RCAN2: variants seen among roughly 807,000 people sequenced by gnomAD.
The protein encoded by RCAN2 is calcipressin-2.
Under a neutral mutation model 23.6 loss-of-function variants are expected in RCAN2, and 9 were observed. That is an observed-to-expected ratio of 0.38 (90% confidence interval 0.23 to 0.67). The LOEUF is 0.67. Among genes scored for constraint, RCAN2 ranks in the 30% least tolerant of loss-of-function variants. The pLI is 0.51. For missense variants in RCAN2, 273 were observed against 302.3 expected (o/e 0.90, Z 0.72); for synonymous variants, 109 against 115.7 (o/e 0.94, Z 0.37).
intron 2 of RCAN2, among the ~76,000 whole-genome samples, chr6:46,302,911 T>C (rs1437398462): frequency 2.0e-5 from 3 of 152,028 alleles, no homozygotes; most frequent in Non-Finnish European, 4.4e-5. Context: ...TAAGGTCACA[T>C]AGACAGTAAG....
At chr6:46,432,268 C>T (rs1767231557) in intron 2 of RCAN2, among the ~76,000 whole-genome samples, 1 of 151,966 alleles carries the variant, frequency 6.6e-6, no homozygotes, top group African/African-American at 2.4e-5. Context: ...GGCTGGTGTG[C>T]AATAGTGCAA....
intron 1 of RCAN2, among the ~76,000 whole-genome samples, chr6:46,466,044 T>C (rs1451416856): frequency 6.6e-6 from 1 of 152,164 alleles, no homozygotes; most frequent in Non-Finnish European, 1.5e-5. Context: ...TAGTAGAGAA[T>C]GCCTGCACCA....
intron 4 of RCAN2, among the ~76,000 whole-genome samples, chr6:46,235,272 C>T (rs1369869378): frequency 3.3e-5 from 5 of 152,122 alleles, no homozygotes; most frequent in African/African-American, 1.2e-4. Context: ...GGAAATCTTC[C>T]TATAAGTTTA....
At chr6:46,451,394 T>A (rs1489148611) in intron 2 of RCAN2, among the ~76,000 whole-genome samples, 1 of 152,200 alleles carries the variant, frequency 6.6e-6, no homozygotes, top group Non-Finnish European at 1.5e-5. Flanking sequence ...CTAGTCGAAC[T>A]ACAAGTAGCC....
At chr6:46,457,636 G>A (rs1002985909) in intron 1 of RCAN2, among the ~76,000 whole-genome samples, 1 of 152,074 alleles carries the variant, frequency 6.6e-6, no homozygotes, top group Non-Finnish European at 1.5e-5. Context: ...AGTTCATCCT[G>A]TGAGAGTACA....
At position 46,409,244 on chromosome 6, in the gene RCAN2, G is replaced by T. The variant is rs1326127945; in HGVS notation, c.225+47508C>A. ...CTTTCTTTTGAATAAAATTGTACAG[G>T]TATATATGAAAGCAATAACTAAAAA... On this transcript the variant is annotated intron_variant, in intron 2 of 4. Coordinates refer to ENST00000371374, the MANE Select transcript of RCAN2 (RefSeq NM_001251974.2). Among the ~76,000 whole-genome samples the T allele has an allele frequency of 2.6e-5, 4 of 151,728 alleles. No individual in the cohort carries two copies. In the East Asian group the frequency reaches 7.7e-4, roughly 29 times the overall value.
intron 2 of RCAN2, among the ~76,000 whole-genome samples, chr6:46,377,595 T>C (rs1224644972): frequency 1.3e-5 from 2 of 152,230 alleles, no homozygotes; most frequent in Admixed American, 1.3e-4. Flanking sequence ...AGATTGCCTG[T>C]TGAGGTCACT....
At chr6:46,368,361 C>A (rs1016566195) in intron 2 of RCAN2, among the ~76,000 whole-genome samples, 7 of 152,186 alleles carry the variant, frequency 4.6e-5, no homozygotes, top group African/African-American at 1.7e-4. Context: ...GGATGCTGAG[C>A]TTTCAAGCTC....
chr6:46,421,867 A>T (rs1392046332), intron 2 of RCAN2, among the ~76,000 whole-genome samples: 1 of 152,234 alleles, frequency 6.6e-6, no homozygotes, highest in Non-Finnish European at 1.5e-5. Context: ...GATGAAAGTA[A>T]CCAGCTGATA....
chr6:46,402,469 CT>C (rs1224534408), intron 2 of RCAN2, among the ~76,000 whole-genome samples: 1 of 152,118 alleles, frequency 6.6e-6, no homozygotes, highest in Non-Finnish European at 1.5e-5. Context: ...AACCAGAACC[CT>C]TTTCCCCAAA....
At chr6:46,434,403 A>G (rs1767307918) in intron 2 of RCAN2, among the ~76,000 whole-genome samples, 1 of 152,162 alleles carries the variant, frequency 6.6e-6, no homozygotes, top group Admixed American at 6.5e-5. Flanking sequence ...CCATGCAGAA[A>G]CACTCTGGGG....
At chr6:46,375,492 G>GTTGA (rs1765431850) in intron 2 of RCAN2, among the ~76,000 whole-genome samples, 2 of 152,076 alleles carry the variant, frequency 1.3e-5, no homozygotes, top group Non-Finnish European at 2.9e-5. Flanking sequence ...TTAAACTAAA[G>GTTGA]TCCAAAAGAT....
intron 2 of RCAN2, among the ~76,000 whole-genome samples, chr6:46,282,240 A>G (rs758730078): frequency 3.9e-5 from 6 of 152,166 alleles, no homozygotes; most frequent in Non-Finnish European, 8.8e-5. Context: ...GTGGTTACTG[A>G]TACCTCAAAA....
At chr6:46,452,216 C>T (rs1316708087) in intron 2 of RCAN2, among the ~76,000 whole-genome samples, 1 of 152,116 alleles carries the variant, frequency 6.6e-6, no homozygotes, top group Non-Finnish European at 1.5e-5. Context: ...GATTTGAATC[C>T]TGCCTTGGCC....
chr6:46,259,570 T>C (rs1279088315), intron 2 of RCAN2, among the ~76,000 whole-genome samples: 4 of 152,230 alleles, frequency 2.6e-5, no homozygotes, highest in African/African-American at 9.6e-5. Flanking sequence ...CATTAACACA[T>C]GGAGTTTTTC....
chr6:46,424,327 T>C (rs1742371641), intron 2 of RCAN2, among the ~76,000 whole-genome samples: 1 of 152,078 alleles, frequency 6.6e-6, no homozygotes, highest in African/African-American at 2.4e-5. Flanking sequence ...AACCAGACAT[T>C]ACACAGCAAG....
At chr6:46,249,999 A>G (rs1308316825) in intron 2 of RCAN2, among the ~76,000 whole-genome samples, 1 of 152,260 alleles carries the variant, frequency 6.6e-6, no homozygotes, top group African/African-American at 2.4e-5. Context: ...AATACAAAGC[A>G]GTAATTAAAA....
chr6:46,250,514 A>G (rs1285363529), intron 2 of RCAN2, among the ~76,000 whole-genome samples: 1 of 152,208 alleles, frequency 6.6e-6, no homozygotes, highest in African/African-American at 2.4e-5. Flanking sequence ...CTAGGAATGG[A>G]CTTAAGAGAT....
At chr6:46,438,303 G>A (rs1767429798) in intron 2 of RCAN2, 1 of 152,242 alleles carries the variant, frequency 6.6e-6, no homozygotes, top group African/African-American at 2.4e-5. Flanking sequence ...ATTGAAGCAT[G>A]GCAGTCATGG....
Sources: gnomAD v4.1 joint callset for allele counts (sites outside exome capture counted in the v4.1 genomes callset) on GRCh38, gnomAD v4.1.1 for gene constraint, MANE v1.5 for transcripts, NCBI Gene and HGNC (gene_info 2026-07-23, HGNC 2026-07-21) for gene names.